Variants in RFX3 observed in about 807,000 individuals in gnomAD.
The protein encoded by RFX3 is regulatory factor X3.
RFX3 carries 14 observed loss-of-function variants against 98.6 expected under a neutral mutation model. That is an observed-to-expected ratio of 0.14 (90% CI 0.09 to 0.22). The LOEUF is 0.22. Ranked by LOEUF, RFX3 falls within the 10% of genes least tolerant of loss-of-function variation. The pLI is 1.00. For synonymous variants in RFX3, 383 were observed against 328.4 expected (o/e 1.17, Z -1.80); for missense variants, 639 against 926.9 (o/e 0.69, Z 4.03).
At chr9:3,275,224 G>C (rs1309420738) in intron 9 of RFX3, among the ~76,000 whole-genome samples, 3 of 151,874 alleles carry the variant, frequency 2.0e-5, no homozygotes, top group African/African-American at 4.8e-5. Flanking sequence ...ATTTTTGTAG[G>C]ACAAATACCT....
chr9:3,512,842 T>C, intron 1 of RFX3, among the ~76,000 whole-genome samples: 1 of 152,086 alleles, frequency 6.6e-6, no homozygotes, highest in Non-Finnish European at 1.5e-5. Flanking sequence ...CTTATTTTTA[T>C]CTTTATTTCC....
At chr9:3,407,984 A>G (rs1030016619) in intron 1 of RFX3, among the ~76,000 whole-genome samples, 1 of 152,130 alleles carries the variant, frequency 6.6e-6, no homozygotes, top group Non-Finnish European at 1.5e-5. Context: ...TCTTTCTGAA[A>G]TCTCAGAGTT....
chr9:3,510,448 T>C (rs1380822363), intron 1 of RFX3, among the ~76,000 whole-genome samples: 1 of 152,046 alleles, frequency 6.6e-6, no homozygotes, highest in Non-Finnish European at 1.5e-5. Context: ...AGTGGATCAA[T>C]ATTATTATTC....
chr9:3,420,888 T>G, intron 1 of RFX3: 1 of 984,980 alleles, frequency 1.0e-6, no homozygotes, highest in Non-Finnish European at 1.2e-6. Flanking sequence ...ACCAAAGATA[T>G]CCTTGGGTCA....
intron 8 of RFX3, among the ~76,000 whole-genome samples, chr9:3,277,057 C>A (rs551592922): frequency 3.9e-5 from 6 of 152,028 alleles, no homozygotes; most frequent in African/African-American, 1.4e-4. Flanking sequence ...TAATTTTGAT[C>A]ACAAAAGCCG....
rs1339103222 is a variant in RFX3 at position 3,219,986 on chromosome 9, G to C, written c.*5056C>G. 3 of 152,160 alleles carry C rather than the reference G, an allele frequency of 2.0e-5. No homozygotes were observed. The highest frequency in any genetic ancestry group is 6.6e-5 in the Admixed American group (1 of 15,266). 9.4% of individuals were successfully genotyped at this position (152,160 alleles called of 1,614,324 possible). A position where few individuals can be genotyped will look rare whatever the true frequency, so the allele number is the denominator to read the frequency against. On this transcript the variant is annotated 3_prime_UTR_variant, in exon 17 of 17. Transcript: ENST00000617270. ...ACAGAGGGAATCAAGTGCACGAAGA[G>C]ATTCCCTTGAACAAAATCAGCAATG...
chr9:3,475,492 C>T (rs1849158891), intron 1 of RFX3, among the ~76,000 whole-genome samples: 2 of 152,074 alleles, frequency 1.3e-5, no homozygotes, highest in Non-Finnish European at 2.9e-5. Context: ...GGGGCCCTTC[C>T]CTGCCTGGCA....
At position 3,303,033 on chromosome 9, in the gene RFX3, C is replaced by G. The variant is rs1362664353; in HGVS notation, c.475-1413G>C. On this transcript the variant is annotated intron_variant, in intron 4 of 16. Coordinates refer to ENST00000617270, the MANE Select transcript of RFX3 (RefSeq NM_001282116.2). Reference sequence around the variant, plus strand: ...ATAGGAAGATGTAATACAATTTATCCTACTGTTAACTTTTTTTAGACAACA... The same window carrying G: ...ATAGGAAGATGTAATACAATTTATCGTACTGTTAACTTTTTTTAGACAACA... 3.3e-5 allele frequency among the ~76,000 whole-genome samples: 5 copies of G among 151,730 alleles called. No homozygotes were observed. In the South Asian group the frequency reaches 6.2e-4, roughly 19 times the overall value.
chr9:3,282,624 T>G (rs1032419018), intron 7 of RFX3, among the ~76,000 whole-genome samples: 1 of 151,924 alleles, frequency 6.6e-6, no homozygotes, highest in African/African-American at 2.4e-5. Context: ...TCTGATCTCA[T>G]GAATTTCTTC....
intron 2 of RFX3, among the ~76,000 whole-genome samples, chr9:3,353,830 T>G (rs1295066530): frequency 3.9e-5 from 6 of 151,978 alleles, no homozygotes; most frequent in African/African-American, 1.2e-4. Context: ...GTGTGACCTG[T>G]AATCAGGAGA....
At chr9:3,407,368 T>C (rs1842062585) in intron 1 of RFX3, among the ~76,000 whole-genome samples, 1 of 152,144 alleles carries the variant, frequency 6.6e-6, no homozygotes, top group Admixed American at 6.5e-5. Flanking sequence ...GGTACTATTA[T>C]TATCCCATTT....
intron 1 of RFX3, among the ~76,000 whole-genome samples, chr9:3,440,257 GCT>G (rs1168352561): frequency 6.6e-6 from 1 of 151,954 alleles, no homozygotes; most frequent in Non-Finnish European, 1.5e-5. Context: ...TCTAGCTAGT[GCT>G]ATCAGCAAAA....
At chr9:3,372,229 G>A (rs1837944278) in intron 2 of RFX3, among the ~76,000 whole-genome samples, 1 of 152,152 alleles carries the variant, frequency 6.6e-6, no homozygotes, top group South Asian at 2.1e-4. Flanking sequence ...ACAGAAATAC[G>A]TGTATAAACA....
At chr9:3,513,394 A>T (rs984190746) in intron 1 of RFX3, among the ~76,000 whole-genome samples, 1 of 152,098 alleles carries the variant, frequency 6.6e-6, no homozygotes, top group Non-Finnish European at 1.5e-5. Context: ...CTAGTTTTTC[A>T]AATTATATGA....
intron 2 of RFX3, among the ~76,000 whole-genome samples, chr9:3,372,069 T>G (rs1460034996): frequency 6.6e-6 from 1 of 152,212 alleles, no homozygotes. Flanking sequence ...CCTTACCTCT[T>G]CAGTGTACAC....
At chr9:3,377,530 A>G (rs1167554228) in intron 2 of RFX3, among the ~76,000 whole-genome samples, 1 of 152,214 alleles carries the variant, frequency 6.6e-6, no homozygotes, top group Admixed American at 6.5e-5. Context: ...TGGGACATGT[A>G]TACATATGTA....
At chr9:3,247,261 T>C (rs950811145) in intron 15 of RFX3, 2 of 986,628 alleles carry the variant, frequency 2.0e-6, no homozygotes, top group Non-Finnish European at 2.4e-6. Context: ...CCTTGTTATA[T>C]TCAGAGTTTA....
At chr9:3,518,291 T>C (rs917335278) in intron 1 of RFX3, among the ~76,000 whole-genome samples, 9 of 152,148 alleles carry the variant, frequency 5.9e-5, no homozygotes, top group Non-Finnish European at 1.5e-5. Flanking sequence ...CCTAAACTTT[T>C]CCCAAAAGTT....
chr9:3,256,928 A>AC, intron 14 of RFX3, 63 bp downstream of exon 14: 3 of 1,421,732 alleles, frequency 2.1e-6, no homozygotes, highest in Non-Finnish European at 3.0e-6. Context: ...GCATATACAA[A>AC]CACATACACA....
Sources: gnomAD v4.1 joint callset for allele counts (sites outside exome capture counted in the v4.1 genomes callset) on GRCh38, gnomAD v4.1.1 for gene constraint, MANE v1.5 for transcripts, NCBI Gene and HGNC (gene_info 2026-07-23, HGNC 2026-07-21) for gene names.